Variants in RNF32 observed in about 807,000 individuals in gnomAD.
RNF32 encodes the protein ring finger protein 32.
In RNF32, 36 loss-of-function variants were observed where a neutral mutation model predicts 41.0. The observed-to-expected ratio is 0.88, with a 90% CI of 0.67 to 1.16. The LOEUF (loss-of-function observed/expected upper bound fraction) is 1.16, where lower values mean the gene tolerates loss of function less well. Ranked by LOEUF, RNF32 falls within the 50% of genes most tolerant of loss-of-function variation. RNF32 has a pLI of 0.00. For missense variants in RNF32, 413 were observed against 436.7 expected (o/e 0.95, Z 0.48); for synonymous variants, 154 against 160.9 (o/e 0.96, Z 0.32).
intron 3 of RNF32, among the ~76,000 whole-genome samples, chr7:156,651,879 C>T (rs532957229): frequency 5.9e-5 from 9 of 152,300 alleles, no homozygotes; most frequent in East Asian, 1.9e-4. Flanking sequence ...TCAATGGGGA[C>T]GTTGCTTCTG....
At chr7:156,645,768 T>C (rs10243532) in intron 3 of RNF32, among the ~76,000 whole-genome samples, 57,154 of 152,078 alleles carry the variant, frequency 0.38, 11,296 homozygotes, top group African/African-American at 0.49. Flanking sequence ...AATATGTATT[T>C]AGAGTAAGAC....
intron 4 of RNF32, among the ~76,000 whole-genome samples, chr7:156,656,289 G>A (rs1799661679): frequency 6.6e-6 from 1 of 152,138 alleles, no homozygotes; most frequent in South Asian, 2.1e-4. Flanking sequence ...CTTAATCCTT[G>A]ATTTTTGTTA....
chr7:156,641,520 A>G (rs762517448), intron 1 of RNF32, among the ~76,000 whole-genome samples: 1 of 152,216 alleles, frequency 6.6e-6, no homozygotes, highest in Non-Finnish European at 1.5e-5. Flanking sequence ...TTTCTCATTT[A>G]TAAAGTGGAG....
At chr7:156,671,732 C>T (rs545221967) in intron 7 of RNF32, among the ~76,000 whole-genome samples, 3 of 152,308 alleles carry the variant, frequency 2.0e-5, no homozygotes, top group African/African-American at 7.2e-5. Flanking sequence ...TGTCCCTCCC[C>T]AGTCGTCCTA....
Position 156,669,509 on chromosome 7 carries a change from G to A in RNF32, c.685-6187G>A, listed in dbSNP as rs1212853037. Among the ~76,000 whole-genome samples the A allele has an allele frequency of 1.3e-5, 2 of 152,182 alleles. No individual in the cohort carries two copies. Among genetic ancestry groups the A allele is most frequent in the Non-Finnish European group, 2.9e-5 (2 of 68,028 alleles). On this transcript the variant is annotated intron_variant, in intron 7 of 8. Transcript: ENST00000317955. The surrounding 1 kb of genome is among the most constrained non-coding windows in gnomAD (Gnocchi z 4.2). ...AGAGGGCAGCACGGCTTAGCATGTGGGAGGGGCAGGCTGGCAGAGTGTGAG... is the reference window on the plus strand; with the variant it reads ...AGAGGGCAGCACGGCTTAGCATGTGAGAGGGGCAGGCTGGCAGAGTGTGAG...
At chr7:156,671,729 C>T (rs189302574) in intron 7 of RNF32, among the ~76,000 whole-genome samples, 1 of 150,858 alleles carries the variant, frequency 6.6e-6, no homozygotes, top group South Asian at 2.1e-4. Context: ...CCGTGTCCCT[C>T]CCCAGTCGTC....
At position 156,669,389 on chromosome 7, in the gene RNF32, G is replaced by C. The variant is rs1801958611; in HGVS notation, c.685-6307G>C. 6.6e-6 allele frequency: 1 copy of C among 152,192 alleles called. No individual in the cohort carries two copies. The highest frequency in any genetic ancestry group is 1.5e-5 in the Non-Finnish European group (1 of 68,056). 9.4% of individuals were successfully genotyped at this position (152,192 alleles called of 1,614,324 possible). On this transcript the variant is annotated intron_variant, in intron 7 of 8. Transcript: ENST00000317955. This position sits in a 1 kb window ranked among gnomAD's most constrained non-coding sequence, Gnocchi z 4.2. The stretch of plus-strand genomic sequence containing the variant: ...GAAGGGGAGAGAGAGTGAAGTGAGG[G>C]GTGAGATGTTTGAAATAAGGTGGAA...
chr7:156,670,375 C>T lies in RNF32; in HGVS notation c.685-5321C>T, dbSNP rs1338660509. ...CCTGCGTTTTGCATCCCCTGGAAAGCGGGTCCAGGGAAGTGACTTGCCTAA... is the reference window on the plus strand; with the variant it reads ...CCTGCGTTTTGCATCCCCTGGAAAGTGGGTCCAGGGAAGTGACTTGCCTAA... On this transcript the variant is annotated intron_variant, in intron 7 of 8. Coordinates refer to ENST00000317955, the MANE Select transcript of RNF32 (RefSeq NM_030936.4). This position sits in a 1 kb window ranked among gnomAD's most constrained non-coding sequence, Gnocchi z 4.3. Among the ~76,000 whole-genome samples the T allele has an allele frequency of 6.6e-6, 1 of 152,184 alleles. No individual in the cohort carries two copies. The highest frequency in any genetic ancestry group is 1.5e-5 in the Non-Finnish European group (1 of 68,044).
At chr7:156,664,661 T>G (rs1019089037) in intron 7 of RNF32, among the ~76,000 whole-genome samples, 5 of 152,182 alleles carry the variant, frequency 3.3e-5, no homozygotes, top group Non-Finnish European at 5.9e-5. Context: ...GAGTAGAATA[T>G]TTTACAGCTC....
intron 7 of RNF32, among the ~76,000 whole-genome samples, chr7:156,671,721 G>A (rs879354123): frequency 1.3e-5 from 2 of 150,790 alleles, no homozygotes; most frequent in African/African-American, 4.8e-5. Flanking sequence ...TTTTCAGCCC[G>A]TGTCCCTCCC....
intron 7 of RNF32, among the ~76,000 whole-genome samples, chr7:156,674,636 AGC>A (rs1803389686): frequency 1.3e-5 from 2 of 152,180 alleles, no homozygotes; most frequent in Non-Finnish European, 2.9e-5. Flanking sequence ...GATGGCCCCA[AGC>A]ACTCCAGTTT....
At chr7:156,658,796 G>T in intron 7 of RNF32, 2 of 1,042,256 alleles carry the variant, frequency 1.9e-6, no homozygotes, top group South Asian at 1.5e-5. Context: ...CATAAAATTA[G>T]GTTAAATCAA....
At chr7:156,649,235 G>A (rs1017980788) in intron 3 of RNF32, among the ~76,000 whole-genome samples, 43 of 151,798 alleles carry the variant, frequency 2.8e-4, no homozygotes, top group Admixed American at 2.3e-3. Context: ...TTTATAGATC[G>A]GGGAAATACT....
chr7:156,669,386 A>G lies in RNF32; in HGVS notation c.685-6310A>G, dbSNP rs1452814239. 1 of 152,230 alleles carries G rather than the reference A, an allele frequency of 6.6e-6. No homozygotes were observed. Among genetic ancestry groups the G allele is most frequent in the South Asian group, 2.1e-4 (1 of 4,836 alleles). The allele number at this position is 152,230 out of a possible 1,614,324, so 9.4% of individuals were successfully genotyped here. Reference sequence around the variant, plus strand: ...GAGGAAGGGGAGAGAGAGTGAAGTGAGGGGTGAGATGTTTGAAATAAGGTG... The same window carrying G: ...GAGGAAGGGGAGAGAGAGTGAAGTGGGGGGTGAGATGTTTGAAATAAGGTG... On this transcript the variant is annotated intron_variant, in intron 7 of 8. Transcript: ENST00000317955. This position sits in a 1 kb window ranked among gnomAD's most constrained non-coding sequence, Gnocchi z 4.2.
rs541339318 is a variant in RNF32 at position 156,644,617 on chromosome 7, A to AAAAG, written c.140_143dup (p.Asn49ArgfsTer18). The AAAAG allele has an allele frequency of 7.7e-5, 124 of 1,613,814 alleles. No homozygotes were observed. The South Asian group carries it at 1.3e-3, about 16-fold the overall frequency. On this transcript the variant is annotated frameshift_variant, in exon 3 of 9. Transcript: ENST00000317955. LOFTEE classifies it high-confidence loss of function. ...GCAGATCATTCTAAGACACAAGTAC[A>AAAAG]AAAGAAAGAGAACAAATCTCTAAAA...
At chr7:156,660,773 A>C (rs1800527927) in intron 7 of RNF32, among the ~76,000 whole-genome samples, 1 of 152,242 alleles carries the variant, frequency 6.6e-6, no homozygotes, top group African/African-American at 2.4e-5. Context: ...ACTGCAGGCC[A>C]GGAAACCCAC....
intron 3 of RNF32, among the ~76,000 whole-genome samples, chr7:156,653,503 G>C (rs1321113362): frequency 1.3e-5 from 2 of 152,178 alleles, no homozygotes; most frequent in Non-Finnish European, 2.9e-5. Flanking sequence ...AAAAGCCCAA[G>C]AGCTCTTTCT....
At chr7:156,675,063 C>G (rs1435981303) in intron 7 of RNF32, among the ~76,000 whole-genome samples, 1 of 152,298 alleles carries the variant, frequency 6.6e-6, no homozygotes, top group East Asian at 1.9e-4. Flanking sequence ...TTAGTAAGTC[C>G]CATGTGGTAT....
At chr7:156,643,775 A>G in intron 1 of RNF32, 26 bp from the exon 2 acceptor site, 2 of 1,077,798 alleles carry the variant, frequency 1.9e-6, no homozygotes, top group South Asian at 2.6e-5. Flanking sequence ...TGTAACTTTG[A>G]CTTTCTGTTG....
Sources: allele counts gnomAD v4.1 joint callset (sites outside exome capture counted in the v4.1 genomes callset), GRCh38; gene constraint gnomAD v4.1.1; non-coding constraint Gnocchi (gnomAD v3.1); transcripts MANE v1.5; gene names NCBI Gene and HGNC (gene_info 2026-07-23, HGNC 2026-07-21).